The following VPS50 variants were observed in gnomAD, a reference collection of about 807,000 sequenced individuals.
VPS50 encodes the protein syndetin.
VPS50 carries 70 observed loss-of-function variants against 139.7 expected under a neutral mutation model. The observed-to-expected ratio is 0.50, with a 90% CI of 0.41 to 0.61. VPS50 has a LOEUF of 0.61. Ranked by LOEUF, VPS50 falls within the 20% of genes least tolerant of loss-of-function variation. The pLI is 0.00. For synonymous variants in VPS50, 365 were observed against 376.7 expected, an observed-to-expected ratio of 0.97 and a Z score of 0.36; for missense variants, 921 against 1,133.7, an observed-to-expected ratio of 0.81 and a Z score of 2.69.
chr7:93,246,082 CT>C (rs528257441), intron 2 of VPS50: 88,259 of 899,498 alleles, frequency 0.098, no homozygotes, highest in South Asian at 0.14. Flanking sequence ...CTAAACGCTT[CT>C]TTTTTTTTTT....
In VPS50 at chr7:93,305,885, G is replaced by A; in HGVS notation, c.1510G>A (p.Val504Ile). 6.2e-7 allele frequency: 1 copy of A among 1,612,542 alleles called. No individual in the cohort carries two copies. The highest frequency in any genetic ancestry group is 8.5e-7 in the Non-Finnish European group (1 of 1,178,766). The change falls in exon 18 of 28, where the codon GTC (valine) becomes ATC (isoleucine). Residue 504 changes from valine (V) to isoleucine (I), a missense_variant. Val to Ile is a conservative substitution (Grantham distance 29). Coordinates refer to ENST00000305866, the MANE Select transcript of VPS50 (RefSeq NM_017667.4). ...ATCAGTTTCACCTAGTAAACAGCCA[G>A]TCTCAACTTCTTCAAAAACAGTGAC... ...SPSVSPSKQPVSTSSKTVTLF... is the reference protein window; with the variant it reads ...SPSVSPSKQPISTSSKTVTLF...
chr7:93,291,879 T>C, intron 13 of VPS50, 44 bp downstream of exon 13: 1 of 1,324,022 alleles, frequency 7.6e-7, no homozygotes, highest in South Asian at 1.4e-5. Context: ...GAACTATAAA[T>C]ATCCCACATT....
intron 9 of VPS50, among the ~76,000 whole-genome samples, chr7:93,262,220 G>T (rs747793231): frequency 6.6e-6 from 1 of 152,158 alleles, no homozygotes; most frequent in African/African-American, 2.4e-5. Flanking sequence ...GAGGGAGCAG[G>T]TGATGTGTTG....
At chr7:93,248,870 GAAT>G (rs1795232703) in intron 2 of VPS50, among the ~76,000 whole-genome samples, 1 of 152,070 alleles carries the variant, frequency 6.6e-6, no homozygotes, top group Admixed American at 6.6e-5. Flanking sequence ...AAGGGGGTTT[GAAT>G]AAGTTCCAGT....
At chr7:93,312,125 GA>G (rs1322516678) in intron 20 of VPS50, among the ~76,000 whole-genome samples, 1 of 152,042 alleles carries the variant, frequency 6.6e-6, no homozygotes, top group African/African-American at 2.4e-5. Context: ...TGCTTTTTAG[GA>G]GTCACGGTTT....
intron 26 of VPS50, among the ~76,000 whole-genome samples, chr7:93,355,648 A>G (rs1333243617): frequency 6.6e-6 from 1 of 152,200 alleles, no homozygotes; most frequent in African/African-American, 2.4e-5. Flanking sequence ...GTAGAACAAC[A>G]AAGAGACTTG....
intron 23 of VPS50, among the ~76,000 whole-genome samples, chr7:93,342,225 C>T (rs543737062): frequency 6.6e-6 from 1 of 152,314 alleles, no homozygotes; most frequent in East Asian, 1.9e-4. Context: ...CAGACGGCAC[C>T]TGCAAATCTG....
intron 4 of VPS50, among the ~76,000 whole-genome samples, chr7:93,255,777 T>A (rs977145583): frequency 6.6e-6 from 1 of 152,206 alleles, no homozygotes; most frequent in African/African-American, 2.4e-5. Flanking sequence ...GGGTGTTCAA[T>A]GTTTTGTTCT....
At chr7:93,346,490 G>C (rs1433525134) in intron 23 of VPS50, among the ~76,000 whole-genome samples, 2 of 152,028 alleles carry the variant, frequency 1.3e-5, no homozygotes, top group Non-Finnish European at 2.9e-5. Flanking sequence ...AGTTCATATG[G>C]AACCAAAAAA....
At chr7:93,261,599 AC>A (rs1273371179) in intron 9 of VPS50, among the ~76,000 whole-genome samples, 1 of 148,876 alleles carries the variant, frequency 6.7e-6, no homozygotes, top group African/African-American at 2.5e-5. Context: ...AATGGCGTGA[AC>A]CTGGGAGGCA....
At position 93,291,684 on chromosome 7, in the gene VPS50, C is replaced by A; in HGVS notation, c.943-19C>A. On this transcript the variant is annotated intron_variant, in intron 12 of 27. Transcript: ENST00000305866. ...GTAAACATAATAATTTGAAAGTTGT[C>A]TCTTATCATTTTCTTTAGCATGTTA... is the stretch of plus-strand genomic sequence containing the variant. 1 of 1,408,528 alleles carries A rather than the reference C, an allele frequency of 7.1e-7. No homozygotes were observed. Among genetic ancestry groups the A allele is most frequent in the East Asian group, 2.4e-5 (1 of 41,492 alleles). 87.3% of individuals were successfully genotyped at this position (1,408,528 alleles called of 1,614,324 possible). A position where few individuals can be genotyped will look rare whatever the true frequency, so the allele number is the denominator to read the frequency against.
At chr7:93,272,818 T>C in intron 11 of VPS50, 85 bp downstream of exon 11, 1 of 640,524 alleles carries the variant, frequency 1.6e-6, no homozygotes, top group Non-Finnish European at 2.7e-6. Context: ...ATTAATCTCA[T>C]GTCCTTAAAA....
intron 12 of VPS50, among the ~76,000 whole-genome samples, chr7:93,283,684 A>G (rs1796397681): frequency 6.6e-6 from 1 of 152,234 alleles, no homozygotes; most frequent in Non-Finnish European, 1.5e-5. Context: ...AATGGCATAA[A>G]GTATCCAAGG....
intron 21 of VPS50, among the ~76,000 whole-genome samples, chr7:93,325,162 C>G (rs947734548): frequency 1.3e-5 from 2 of 152,168 alleles, no homozygotes; most frequent in African/African-American, 4.8e-5. Flanking sequence ...ACTATCTGAT[C>G]TTTGACAAAC....
intron 19 of VPS50, among the ~76,000 whole-genome samples, chr7:93,309,441 T>C (rs1797203874): frequency 6.6e-6 from 1 of 151,998 alleles, no homozygotes; most frequent in Non-Finnish European, 1.5e-5. Flanking sequence ...ATATTGGGCA[T>C]AATCAAAGAG....
intron 21 of VPS50, among the ~76,000 whole-genome samples, chr7:93,331,708 A>C (rs1184471147): frequency 6.6e-6 from 1 of 152,228 alleles, no homozygotes; most frequent in African/African-American, 2.4e-5. Flanking sequence ...CACAAAAAGC[A>C]TGAAGCATAA....
intron 2 of VPS50, among the ~76,000 whole-genome samples, chr7:93,241,805 C>T (rs1255179388): frequency 6.6e-6 from 1 of 151,982 alleles, no homozygotes; most frequent in Admixed American, 6.6e-5. Flanking sequence ...TATTTTTTCA[C>T]AATTTAGATA....
chr7:93,332,145 C>G (rs1231059489), intron 21 of VPS50, among the ~76,000 whole-genome samples: 3 of 152,210 alleles, frequency 2.0e-5, no homozygotes, highest in South Asian at 4.1e-4. Context: ...TGCTAAAGAA[C>G]AGAAATTTAT....
At chr7:93,300,490 G>T (rs1255360857) in intron 16 of VPS50, among the ~76,000 whole-genome samples, 1 of 152,070 alleles carries the variant, frequency 6.6e-6, no homozygotes, top group South Asian at 2.1e-4. Context: ...ACCTAAAAAG[G>T]ATAATATGCT....
Sources: allele counts gnomAD v4.1 joint callset (sites outside exome capture counted in the v4.1 genomes callset), GRCh38; gene constraint gnomAD v4.1.1; transcripts MANE v1.5; gene names NCBI Gene and HGNC (gene_info 2026-07-23, HGNC 2026-07-21).